Variants in PTPRD observed in about 807,000 individuals in gnomAD.
PTPRD encodes protein tyrosine phosphatase receptor type D, also known as receptor-type tyrosine-protein phosphatase delta.
In PTPRD, 34 loss-of-function variants were observed where a neutral mutation model predicts 214.5. The ratio of observed to expected loss-of-function variants is 0.16; its 90% CI spans 0.12 to 0.21. The LOEUF is 0.21. Among genes scored for constraint, PTPRD ranks in the 10% least tolerant of loss-of-function variants. The pLI is 1.00. For missense variants in PTPRD, 2,545 were observed against 2,398.7 expected, an observed-to-expected ratio of 1.06 and a Z score of -1.27; for synonymous variants, 1,128 against 845.7, an observed-to-expected ratio of 1.33 and a Z score of -5.79.
intron 14 of PTPRD, among the ~76,000 whole-genome samples, chr9:8,585,038 G>C (rs2093523551): frequency 6.6e-6 from 1 of 152,120 alleles, no homozygotes. Context: ...AACACGTGGG[G>C]ATTAGGGGAA....
Position 10,383,353 on chromosome 9 carries a change from G to A in PTPRD, c.-599-42336C>T, listed in dbSNP as rs1250211377. Among the ~76,000 whole-genome samples, 9 of 151,928 alleles carry A rather than the reference G, an allele frequency of 5.9e-5. No individual in the cohort carries two copies. In the East Asian group the frequency reaches 1.8e-3, roughly 30 times the overall value. On this transcript the variant is annotated intron_variant, in intron 2 of 45. Transcript: ENST00000381196. ...CCTTTAATTAAAATCACCTTTAATAGATAATGCTCTATGCTCAGGCCCTAA... is the reference window on the plus strand; with the variant it reads ...CCTTTAATTAAAATCACCTTTAATAAATAATGCTCTATGCTCAGGCCCTAA...
At chr9:8,416,680 G>C (rs1279569899) in intron 35 of PTPRD, among the ~76,000 whole-genome samples, 1 of 152,104 alleles carries the variant, frequency 6.6e-6, no homozygotes, top group Non-Finnish European at 1.5e-5. Flanking sequence ...CACAAGACTA[G>C]ACTGTCTTAC....
At chr9:9,928,047 C>G (rs1475400434) in intron 5 of PTPRD, among the ~76,000 whole-genome samples, 1 of 152,096 alleles carries the variant, frequency 6.6e-6, no homozygotes, top group East Asian at 1.9e-4. Flanking sequence ...ATGTGAACAA[C>G]GTTTCATCTT....
chr9:9,908,932 T>C (rs922104608), intron 5 of PTPRD, among the ~76,000 whole-genome samples: 3 of 152,000 alleles, frequency 2.0e-5, no homozygotes, highest in African/African-American at 7.2e-5. Context: ...AGAGAAGATA[T>C]AGGCTATATT....
chr9:9,806,398 A>G (rs2099073484), intron 5 of PTPRD, among the ~76,000 whole-genome samples: 1 of 152,052 alleles, frequency 6.6e-6, no homozygotes, highest in Non-Finnish European at 1.5e-5. Context: ...CTGATAATGT[A>G]CTTTGTGATA....
At chr9:8,371,218 T>C (rs1352170855) in intron 39 of PTPRD, among the ~76,000 whole-genome samples, 1 of 151,534 alleles carries the variant, frequency 6.6e-6, no homozygotes, top group African/African-American at 2.4e-5. Flanking sequence ...AATACCCCAA[T>C]ATAAAGGGAA....
chr9:10,269,087 C>A (rs147616127), intron 3 of PTPRD, among the ~76,000 whole-genome samples: 181 of 152,272 alleles, frequency 1.2e-3, no homozygotes, highest in African/African-American at 4.0e-3. Context: ...TTCACATGCT[C>A]AAACCTTTTG....
chr9:10,607,568 C>T (rs1219083573), intron 2 of PTPRD, among the ~76,000 whole-genome samples: 2 of 151,802 alleles, frequency 1.3e-5, no homozygotes, highest in Admixed American at 6.6e-5. Context: ...ATAAGTATAG[C>T]ATGATCTCCC....
chr9:8,501,043 A>C lies in PTPRD; in HGVS notation c.1839T>G (p.Pro613=), dbSNP rs1420927100. The change falls in exon 24 of 46, where the codon CCT becomes CCG. Residue 613 remains proline (P), a synonymous_variant. Transcript: ENST00000381196. ...RTMQSKPSAP[P]QDISCTSPSS... ...TTGGGCTGGTGCAACTAATGTCTTG[A>C]GGAGGAGCTGACGGCTCTTATTTTG... 6.2e-7 allele frequency: 1 copy of C among 1,612,774 alleles called. No homozygotes were observed. The highest frequency in any genetic ancestry group is 2.2e-5 in the East Asian group (1 of 44,846).
chr9:8,664,798 G>A (rs984898663), intron 12 of PTPRD, among the ~76,000 whole-genome samples: 3 of 152,142 alleles, frequency 2.0e-5, no homozygotes, highest in Non-Finnish European at 4.4e-5. Flanking sequence ...AAATTTTTCA[G>A]TTTTTCACCA....
chr9:8,792,381 T>A (rs1316342254), intron 11 of PTPRD, among the ~76,000 whole-genome samples: 2 of 152,180 alleles, frequency 1.3e-5, no homozygotes, highest in East Asian at 3.8e-4. Flanking sequence ...ACTTTCTAGA[T>A]TCTAGTTTAT....
chr9:10,268,293 AAAT>A (rs56131711), intron 3 of PTPRD, among the ~76,000 whole-genome samples: 86,876 of 144,624 alleles, frequency 0.6, 26,974 homozygotes, highest in Non-Finnish European at 0.68. Flanking sequence ...CTGTTGCTAT[AAAT>A]AATAATAATA....
intron 14 of PTPRD, among the ~76,000 whole-genome samples, chr9:8,580,342 ACAGCCTAAT>A (rs2092938477): frequency 6.6e-6 from 1 of 152,234 alleles, no homozygotes; most frequent in South Asian, 2.1e-4. Context: ...TTTAGAACAA[ACAGCCTAAT>A]CACCTGAAGT....
chr9:8,660,161 T>C (rs1336188013), intron 12 of PTPRD, among the ~76,000 whole-genome samples: 2 of 152,172 alleles, frequency 1.3e-5, no homozygotes, highest in Non-Finnish European at 2.9e-5. Context: ...TTAACCACAT[T>C]TGGTTGAAAT....
chr9:8,901,614 T>G (rs1019062074), intron 11 of PTPRD, among the ~76,000 whole-genome samples: 1 of 152,188 alleles, frequency 6.6e-6, no homozygotes, highest in Non-Finnish European at 1.5e-5. Context: ...GGCTGGAACG[T>G]AGGTCTCCTG....
At chr9:9,186,253 T>C (rs2099931399) in intron 9 of PTPRD, among the ~76,000 whole-genome samples, 1 of 151,988 alleles carries the variant, frequency 6.6e-6, no homozygotes, top group South Asian at 2.1e-4. Flanking sequence ...GAAATAACAA[T>C]AAGGGTTCTT....
At chr9:8,708,081 C>G (rs556797442) in intron 12 of PTPRD, among the ~76,000 whole-genome samples, 1 of 152,290 alleles carries the variant, frequency 6.6e-6, no homozygotes, top group East Asian at 1.9e-4. Context: ...TAAGGCACCT[C>G]TGAAATAAAG....
At chr9:10,398,098 C>A (rs562090866) in intron 2 of PTPRD, among the ~76,000 whole-genome samples, 1 of 151,502 alleles carries the variant, frequency 6.6e-6, no homozygotes, top group Non-Finnish European at 1.5e-5. Flanking sequence ...TTAACCAGAA[C>A]CAGGTGCAGT....
At chr9:10,393,638 T>A (rs1397201040) in intron 2 of PTPRD, among the ~76,000 whole-genome samples, 1 of 148,328 alleles carries the variant, frequency 6.7e-6, no homozygotes, top group Non-Finnish European at 1.5e-5. Context: ...TCTGCAAGTA[T>A]ATATATATAT....
Sources: gnomAD v4.1 joint callset for allele counts (sites outside exome capture counted in the v4.1 genomes callset) on GRCh38, gnomAD v4.1.1 for gene constraint, MANE v1.5 for transcripts, NCBI Gene and HGNC (gene_info 2026-07-23, HGNC 2026-07-21) for gene names.